The following NSRP1 variants were observed in gnomAD, a reference collection of about 807,000 sequenced individuals.
NSRP1 encodes nuclear speckle splicing regulatory protein 1.
In NSRP1, 24 loss-of-function variants were observed where a neutral mutation model predicts 54.7. The observed-to-expected ratio is 0.44, with a 90% CI of 0.32 to 0.62. The LOEUF is 0.62. NSRP1 is among the 20% of genes least tolerant of loss of function. NSRP1 has a pLI of 0.06. For synonymous variants in NSRP1, 210 were observed against 213.8 expected, an observed-to-expected ratio of 0.98 and a Z score of 0.15; for missense variants, 596 against 651.2, an observed-to-expected ratio of 0.92 and a Z score of 0.92.
intron 2 of NSRP1, among the ~76,000 whole-genome samples, chr17:30,147,532 C>G (rs1192718726): frequency 6.6e-6 from 1 of 152,002 alleles, no homozygotes; most frequent in African/African-American, 2.4e-5. Flanking sequence ...TGGCCAATCT[C>G]GGCTCACTGC....
intron 2 of NSRP1, among the ~76,000 whole-genome samples, chr17:30,160,553 G>A (rs898032642): frequency 6.6e-6 from 1 of 152,084 alleles, no homozygotes; most frequent in Non-Finnish European, 1.5e-5. Flanking sequence ...ATTTGTCCAT[G>A]TCCTTTAGGT....
intron 2 of NSRP1, among the ~76,000 whole-genome samples, chr17:30,169,856 A>G (rs1347881128): frequency 1.3e-5 from 2 of 152,030 alleles, no homozygotes; most frequent in Non-Finnish European, 2.9e-5. Flanking sequence ...GAAAAAAAAA[A>G]AGCACCAATT....
chr17:30,153,036 T>C (rs1468008349), intron 2 of NSRP1, among the ~76,000 whole-genome samples: 2 of 149,876 alleles, frequency 1.3e-5, no homozygotes, highest in Non-Finnish European at 3.0e-5. Context: ...GCCTCACCTC[T>C]CCTCAGTAGC....
intron 2 of NSRP1, among the ~76,000 whole-genome samples, chr17:30,160,622 T>C (rs962092370): frequency 1.3e-5 from 2 of 152,248 alleles, no homozygotes; most frequent in Non-Finnish European, 2.9e-5. Flanking sequence ...TTTGTATTTC[T>C]GTAGTGTCAG....
intron 2 of NSRP1, among the ~76,000 whole-genome samples, chr17:30,159,781 C>T (rs1904443521): frequency 1.3e-5 from 2 of 152,114 alleles, no homozygotes; most frequent in African/African-American, 4.8e-5. Flanking sequence ...GCCTCAGCCT[C>T]CCAAGTAGCT....
intron 3 of NSRP1, among the ~76,000 whole-genome samples, chr17:30,176,615 C>A (rs921198962): frequency 2.4e-5 from 3 of 122,676 alleles, no homozygotes; most frequent in African/African-American, 5.3e-5. Context: ...GTCCCCCCCC[C>A]CCCAAAAAAA....
Position 30,185,895 on chromosome 17 carries a change from T to C in NSRP1, c.*221T>C, listed in dbSNP as rs1321210635. On this transcript the variant is annotated 3_prime_UTR_variant, in exon 7 of 7. Transcript: ENST00000247026. ...GTGTACTCATCAATACCACATTCTT[T>C]GTTGTATTCAAGAACCGTTAAGAGT... is the stretch of plus-strand genomic sequence containing the variant. 1.4e-5 allele frequency: 5 copies of C among 369,312 alleles called. No individual in the cohort carries two copies. Among genetic ancestry groups the C allele is most frequent in the African/African-American group, 4.2e-5 (2 of 47,830 alleles). The allele number at this position is 369,312 out of a possible 1,614,324, so 22.9% of individuals were successfully genotyped here.
intron 1 of NSRP1, chr17:30,117,491 A>G: frequency 2.4e-6 from 1 of 419,310 alleles, no homozygotes; most frequent in East Asian, 3.5e-5. Context: ...AAGGAGTTGG[A>G]TCTGATGGGA....
chr17:30,162,719 GA>G (rs1023827459), intron 2 of NSRP1, among the ~76,000 whole-genome samples: 1 of 151,980 alleles, frequency 6.6e-6, no homozygotes, highest in African/African-American at 2.4e-5. Flanking sequence ...TCTACAAAAA[GA>G]AAAAATTCAG....
chr17:30,173,413 G>T (rs548121636), intron 3 of NSRP1, among the ~76,000 whole-genome samples: 4 of 152,016 alleles, frequency 2.6e-5, no homozygotes, highest in East Asian at 3.8e-4. Flanking sequence ...ATTAATTATC[G>T]AACTAGGCCT....
intron 2 of NSRP1, among the ~76,000 whole-genome samples, chr17:30,140,394 C>A (rs1371287255): frequency 6.6e-6 from 1 of 151,484 alleles, no homozygotes; most frequent in Non-Finnish European, 1.5e-5. Context: ...ATAAAAGAGA[C>A]CAAAATATTT....
chr17:30,144,940 CAT>C (rs1041876852), intron 2 of NSRP1: 1 of 152,120 alleles, frequency 6.6e-6, no homozygotes, highest in African/African-American at 2.4e-5. Flanking sequence ...ATGTGTTTGA[CAT>C]ATGTGCTACC....
chr17:30,155,534 T>C (rs2071953790), intron 2 of NSRP1, among the ~76,000 whole-genome samples: 1 of 152,120 alleles, frequency 6.6e-6, no homozygotes, highest in African/African-American at 2.4e-5. Flanking sequence ...CATATCACTA[T>C]ACCTTTTTTT....
intron 2 of NSRP1, among the ~76,000 whole-genome samples, chr17:30,134,199 G>A (rs2071727972): frequency 6.6e-6 from 1 of 152,162 alleles, no homozygotes; most frequent in Admixed American, 6.5e-5. Context: ...CACACAACAT[G>A]TATCAGTTAA....
At chr17:30,145,272 T>G (rs1327767361) in intron 2 of NSRP1, among the ~76,000 whole-genome samples, 2 of 151,842 alleles carry the variant, frequency 1.3e-5, no homozygotes. Flanking sequence ...TTCTAGATCA[T>G]AGGGTATGTA....
intron 1 of NSRP1, chr17:30,117,403 A>C: frequency 2.2e-6 from 1 of 459,800 alleles, no homozygotes. Flanking sequence ...TGAAAGTTTT[A>C]CCTTTGATGT....
intron 6 of NSRP1, among the ~76,000 whole-genome samples, chr17:30,182,900 C>T (rs543984155): frequency 2.0e-5 from 3 of 152,110 alleles, no homozygotes; most frequent in African/African-American, 4.8e-5. Flanking sequence ...CGCCACTGCA[C>T]TCCAGCTTGG....
intron 2 of NSRP1, among the ~76,000 whole-genome samples, chr17:30,151,176 G>T (rs2143003836): frequency 6.6e-6 from 1 of 152,206 alleles, no homozygotes; most frequent in Admixed American, 6.5e-5. Context: ...TTTGAAAAAA[G>T]TGTTCAACTC....
At chr17:30,176,467 A>G (rs1905128811) in intron 3 of NSRP1, among the ~76,000 whole-genome samples, 1 of 151,826 alleles carries the variant, frequency 6.6e-6, no homozygotes, top group Non-Finnish European at 1.5e-5. Flanking sequence ...AAAATTAGCC[A>G]GGCATGGTAG....
Sources: gnomAD v4.1 joint callset for allele counts (sites outside exome capture counted in the v4.1 genomes callset) on GRCh38, gnomAD v4.1.1 for gene constraint, MANE v1.5 for transcripts, NCBI Gene and HGNC (gene_info 2026-07-23, HGNC 2026-07-21) for gene names.